SLC25A26: variants seen among roughly 807,000 people sequenced by gnomAD.
SLC25A26 encodes the protein mitochondrial S-adenosylmethionine carrier protein.
SLC25A26 carries 36 observed loss-of-function variants against 37.8 expected under a neutral mutation model. The ratio of observed to expected loss-of-function variants is 0.95; its 90% confidence interval spans 0.73 to 1.26. SLC25A26 has a LOEUF of 1.26. Ranked by LOEUF, SLC25A26 falls within the 50% of genes most tolerant of loss-of-function variation. The pLI is 0.00. For missense variants in SLC25A26, 390 were observed against 331.1 expected (o/e 1.18, Z -1.38); for synonymous variants, 129 against 122.5 (o/e 1.05, Z -0.35).
At chr3:66,365,673 C>T (rs1020565107) in intron 7 of SLC25A26, among the ~76,000 whole-genome samples, 2 of 152,196 alleles carry the variant, frequency 1.3e-5, no homozygotes, top group African/African-American at 2.4e-5. Flanking sequence ...GTTTGAAATT[C>T]GAGAACAGGG....
upstream of SLC25A26, among the ~76,000 whole-genome samples, chr3:66,217,071 G>A (rs1028936245): frequency 4.6e-5 from 7 of 152,154 alleles, no homozygotes; most frequent in Non-Finnish European, 8.8e-5. Flanking sequence ...TCTTGATTCT[G>A]AAAGATACCT....
At chr3:66,161,185 T>C (rs1183853212) in intron 1 of SLC25A26, among the ~76,000 whole-genome samples, 1 of 152,196 alleles carries the variant, frequency 6.6e-6, no homozygotes, top group Non-Finnish European at 1.5e-5. Flanking sequence ...AAGAACTTCT[T>C]TAATCTTGGA....
chr3:66,342,620 G>A (rs977254238), intron 5 of SLC25A26, among the ~76,000 whole-genome samples: 5 of 152,168 alleles, frequency 3.3e-5, no homozygotes, highest in Non-Finnish European at 5.9e-5. Context: ...TACACTTTGT[G>A]ATAGGTGAAG....
chr3:66,154,908 A>G (rs1346175217), intron 1 of SLC25A26, among the ~76,000 whole-genome samples: 1 of 152,266 alleles, frequency 6.6e-6, no homozygotes, highest in Non-Finnish European at 1.5e-5. Context: ...CAGATAAAGT[A>G]TGTATCAGCT....
At chr3:66,250,885 A>T (rs989497815) in intron 3 of SLC25A26, among the ~76,000 whole-genome samples, 3 of 152,232 alleles carry the variant, frequency 2.0e-5, no homozygotes, top group African/African-American at 7.2e-5. Context: ...ATACGTATAG[A>T]TAGTAAAATG....
At chr3:66,305,717 G>A (rs2075201058) in intron 5 of SLC25A26, among the ~76,000 whole-genome samples, 1 of 152,102 alleles carries the variant, frequency 6.6e-6, no homozygotes, top group South Asian at 2.1e-4. Flanking sequence ...TTTGGTTTGG[G>A]TTGATTCCTT....
intron 6 of SLC25A26, among the ~76,000 whole-genome samples, chr3:66,362,448 A>G (rs1007794624): frequency 2.6e-5 from 4 of 152,240 alleles, no homozygotes; most frequent in African/African-American, 9.6e-5. Context: ...TGTGATTACA[A>G]TGATATAACA....
chr3:66,279,859 A>T (rs1576782298), intron 5 of SLC25A26, among the ~76,000 whole-genome samples: 1 of 152,154 alleles, frequency 6.6e-6, no homozygotes, highest in African/African-American at 2.4e-5. Context: ...GAATTTTTCC[A>T]TACTTCTGTT....
intron 1 of SLC25A26, among the ~76,000 whole-genome samples, chr3:66,204,017 C>T (rs1409069764): frequency 6.6e-6 from 1 of 152,166 alleles, no homozygotes; most frequent in African/African-American, 2.4e-5. Flanking sequence ...ATATTCTATG[C>T]AGTTTATTTA....
At chr3:66,326,310 C>T (rs11717286) in intron 5 of SLC25A26, among the ~76,000 whole-genome samples, 26,038 of 152,068 alleles carry the variant, frequency 0.17, 3,350 homozygotes, top group East Asian at 0.68. Flanking sequence ...GAAGACATTA[C>T]GAAAAAAATC....
At chr3:66,240,961 A>G (rs944482484) in intron 2 of SLC25A26, among the ~76,000 whole-genome samples, 1 of 151,432 alleles carries the variant, frequency 6.6e-6, no homozygotes, top group Non-Finnish European at 1.5e-5. Context: ...TTAGCCAAGG[A>G]TGGTCTCGAT....
intron 5 of SLC25A26, among the ~76,000 whole-genome samples, chr3:66,300,530 C>T (rs2075047147): frequency 6.6e-6 from 1 of 152,082 alleles, no homozygotes; most frequent in South Asian, 2.1e-4. Context: ...AAAGTACTTT[C>T]TTAAAGAGTC....
intron 7 of SLC25A26, among the ~76,000 whole-genome samples, chr3:66,365,859 G>A (rs1034518513): frequency 6.6e-6 from 1 of 152,150 alleles, no homozygotes; most frequent in Non-Finnish European, 1.5e-5. Context: ...ACTAATCAGG[G>A]GCAACGTAGG....
At chr3:66,369,007 A>G (rs1159630754) in intron 7 of SLC25A26, among the ~76,000 whole-genome samples, 2 of 137,736 alleles carry the variant, frequency 1.5e-5, no homozygotes, top group Non-Finnish European at 3.1e-5. Context: ...GGTGAGACAC[A>G]GTGAGACCCT....
intron 1 of SLC25A26, among the ~76,000 whole-genome samples, chr3:66,201,847 C>T (rs1311555774): frequency 6.6e-6 from 1 of 152,104 alleles, no homozygotes; most frequent in Non-Finnish European, 1.5e-5. Flanking sequence ...ATGGGCAAGA[C>T]AGAGAGTTTC....
chr3:66,263,313 G>A lies in SLC25A26; in HGVS notation c.406-19G>A, dbSNP rs371644160. ...TCTCTGCCATTCTTTCTGAACTCTCGGCTGTGTGTTTGTTTCAGGGTATCC... is the reference window on the plus strand; with the variant it reads ...TCTCTGCCATTCTTTCTGAACTCTCAGCTGTGTGTTTGTTTCAGGGTATCC... On this transcript the variant is annotated intron_variant, in intron 4 of 9. Coordinates refer to ENST00000354883, the MANE Select transcript of SLC25A26 (RefSeq NM_001379210.1). 1.2e-5 allele frequency: 19 copies of A among 1,605,628 alleles called. No individual in the cohort carries two copies. In the Admixed American group the frequency reaches 1.3e-4, roughly 11 times the overall value.
At chr3:66,226,519 G>C (rs912708351) in intron 1 of SLC25A26, among the ~76,000 whole-genome samples, 4 of 152,086 alleles carry the variant, frequency 2.6e-5, no homozygotes, top group African/African-American at 9.7e-5. Flanking sequence ...TGTTGCCCAG[G>C]CTGGAGTGCA....
chr3:66,365,809 G>A (rs1008167725), intron 7 of SLC25A26, among the ~76,000 whole-genome samples: 4 of 152,190 alleles, frequency 2.6e-5, no homozygotes, highest in South Asian at 2.1e-4. Context: ...TGGAGGTCAC[G>A]CACATAAGAG....
intron 6 of SLC25A26, among the ~76,000 whole-genome samples, chr3:66,348,639 A>G (rs975639000): frequency 1.3e-5 from 2 of 152,242 alleles, no homozygotes; most frequent in African/African-American, 2.4e-5. Flanking sequence ...GTTGAGGTAT[A>G]TACTAAAGGA....
Sources: allele counts gnomAD v4.1 joint callset (sites outside exome capture counted in the v4.1 genomes callset), GRCh38; gene constraint gnomAD v4.1.1; transcripts MANE v1.5; gene names NCBI Gene and HGNC (gene_info 2026-07-23, HGNC 2026-07-21).